NCKAP5: variants seen among roughly 807,000 people sequenced by gnomAD.
The protein encoded by NCKAP5 is NCK associated protein 5.
In NCKAP5, 92 loss-of-function variants were observed where a neutral mutation model predicts 167.0. The observed-to-expected ratio is 0.55, with a 90% CI of 0.47 to 0.66. The LOEUF (loss-of-function observed/expected upper bound fraction) is 0.66, where lower values mean the gene tolerates loss of function less well. Ranked by LOEUF, NCKAP5 falls within the 30% of genes least tolerant of loss-of-function variation. The pLI is 0.00. For missense variants in NCKAP5, 2,378 were observed against 2,315.0 expected (o/e 1.03, Z -0.56); for synonymous variants, 891 against 877.4 (o/e 1.02, Z -0.27).
intron 5 of NCKAP5, among the ~76,000 whole-genome samples, chr2:133,157,689 A>T (rs1374741271): frequency 1.3e-5 from 2 of 151,896 alleles, no homozygotes; most frequent in Admixed American, 1.3e-4. Flanking sequence ...GTGGCTTTGC[A>T]TTTGGCACTC....
chr2:133,375,031 T>C (rs1195250092), intron 3 of NCKAP5, among the ~76,000 whole-genome samples: 2 of 152,292 alleles, frequency 1.3e-5, no homozygotes, highest in Admixed American at 6.5e-5. Flanking sequence ...TGCGCTTTTC[T>C]TACAATGGGG....
chr2:133,530,505 T>A (rs1251935423), intron 2 of NCKAP5, among the ~76,000 whole-genome samples: 1 of 152,196 alleles, frequency 6.6e-6, no homozygotes, highest in Non-Finnish European at 1.5e-5. Context: ...TTACAGATTA[T>A]TTAGGAGAGA....
At chr2:133,121,051 A>G (rs2082235096) in intron 6 of NCKAP5, among the ~76,000 whole-genome samples, 1 of 152,116 alleles carries the variant, frequency 6.6e-6, no homozygotes, top group African/African-American at 2.4e-5. Context: ...ATAGGCAGCG[A>G]CCTTTAACTC....
Position 133,559,154 on chromosome 2 carries a change from A to G in NCKAP5, c.-129-37T>C, listed in dbSNP as rs1687977936. 3 of 152,190 alleles carry G rather than the reference A, an allele frequency of 2.0e-5. No homozygotes were observed. In the South Asian group the frequency reaches 6.2e-4, roughly 32 times the overall value. 9.4% of individuals were successfully genotyped at this position (152,190 alleles called of 1,614,324 possible). A position where few individuals can be genotyped will look rare whatever the true frequency, so the allele number is the denominator to read the frequency against. On this transcript the variant is annotated intron_variant, in intron 1 of 19. Transcript: ENST00000409261. Reference sequence around the variant, plus strand: ...TAATATAATCTAAATATGTGGCTCAAATAATTACTGTGTAATCTGGAACAT... The same window carrying G: ...TAATATAATCTAAATATGTGGCTCAGATAATTACTGTGTAATCTGGAACAT...
intron 12 of NCKAP5, among the ~76,000 whole-genome samples, chr2:132,795,757 T>C (rs911386026): frequency 2.1e-5 from 3 of 144,810 alleles, no homozygotes; most frequent in Admixed American, 7.4e-5. Flanking sequence ...AGGTGGAGGT[T>C]GCAGTGAGCT....
chr2:133,574,645 G>A, the NCKAP5 span, among the ~76,000 whole-genome samples: 1 of 134,176 alleles, frequency 7.5e-6, no homozygotes, highest in Non-Finnish European at 1.5e-5. Context: ...ACAAGCACAT[G>A]TGCACACACA....
At chr2:133,111,952 TAGATACTA>T (rs1405834959) in intron 6 of NCKAP5, among the ~76,000 whole-genome samples, 1 of 152,092 alleles carries the variant, frequency 6.6e-6, no homozygotes, top group Non-Finnish European at 1.5e-5. Context: ...CCACTGCCAA[TAGATACTA>T]AGATTCCAGG....
intron 6 of NCKAP5, among the ~76,000 whole-genome samples, chr2:133,059,147 A>G (rs2079903673): frequency 6.6e-6 from 1 of 151,946 alleles, no homozygotes; most frequent in African/African-American, 2.4e-5. Flanking sequence ...AAAATACAAA[A>G]AAATTAGCTG....
At chr2:133,261,723 C>T (rs193192079) in intron 4 of NCKAP5, among the ~76,000 whole-genome samples, 3 of 152,178 alleles carry the variant, frequency 2.0e-5, no homozygotes, top group African/African-American at 7.2e-5. Context: ...ATGAACTGAC[C>T]TGTTTGTATC....
intron 4 of NCKAP5, among the ~76,000 whole-genome samples, chr2:133,230,907 C>T (rs1255113427): frequency 6.6e-6 from 1 of 152,138 alleles, no homozygotes; most frequent in African/African-American, 2.4e-5. Flanking sequence ...CTTCAATTTG[C>T]TAATGTACAA....
intron 11 of NCKAP5, among the ~76,000 whole-genome samples, chr2:132,817,323 T>C (rs944088253): frequency 1.3e-5 from 2 of 152,196 alleles, no homozygotes; most frequent in African/African-American, 2.4e-5. Context: ...TGAATTTCCT[T>C]ATTAGATTCT....
intron 4 of NCKAP5, among the ~76,000 whole-genome samples, chr2:133,214,587 C>G (rs1272001788): frequency 3.9e-5 from 6 of 152,068 alleles, no homozygotes; most frequent in Non-Finnish European, 7.4e-5. Context: ...CCAATATTCA[C>G]CAAAATTTTT....
chr2:133,150,180 T>G (rs1380154304), intron 5 of NCKAP5, among the ~76,000 whole-genome samples: 1 of 152,134 alleles, frequency 6.6e-6, no homozygotes, highest in Non-Finnish European at 1.5e-5. Flanking sequence ...AATAAACAAT[T>G]CATAATTTTT....
In NCKAP5 at chr2:133,017,478, A is replaced by C. The variant is rs116684573; in HGVS notation, c.342-23239T>G. 3.5e-3 allele frequency among the ~76,000 whole-genome samples: 534 copies of C among 152,340 alleles called. 2 individuals carry two copies. Among genetic ancestry groups the C allele is most frequent in the African/African-American group, 0.012 (492 of 41,584 alleles). ...TTCAGGTGAATTATTCAAAACTTCA[A>C]AATGTGAAATATGCCATGATTATCA... On this transcript the variant is annotated intron_variant, in intron 6 of 19. Transcript: ENST00000409261.
intron 5 of NCKAP5, among the ~76,000 whole-genome samples, chr2:133,138,927 T>A (rs1462947862): frequency 6.6e-6 from 1 of 152,198 alleles, no homozygotes; most frequent in Non-Finnish European, 1.5e-5. Context: ...CCACAGTGAC[T>A]AACCCTCAGT....
intron 3 of NCKAP5, among the ~76,000 whole-genome samples, chr2:133,465,853 G>A (rs1480684329): frequency 2.0e-5 from 3 of 146,454 alleles, no homozygotes; most frequent in Non-Finnish European, 4.5e-5. Flanking sequence ...TTTTGATGGG[G>A]TTGTTTGTTT....
chr2:133,408,081 T>C (rs1406553245), intron 3 of NCKAP5, among the ~76,000 whole-genome samples: 1 of 152,192 alleles, frequency 6.6e-6, no homozygotes, highest in Non-Finnish European at 1.5e-5. Flanking sequence ...GTGGTTTCCC[T>C]GGAATAGTGC....
chr2:133,139,344 T>G (rs962818105), intron 5 of NCKAP5, among the ~76,000 whole-genome samples: 3 of 152,148 alleles, frequency 2.0e-5, no homozygotes, highest in Admixed American at 6.5e-5. Context: ...ACAAGTGGGG[T>G]GTGTGTGTAT....
chr2:133,405,302 T>C (rs1452764388), intron 3 of NCKAP5, among the ~76,000 whole-genome samples: 3 of 152,216 alleles, frequency 2.0e-5, no homozygotes, highest in Non-Finnish European at 2.9e-5. Context: ...CTATAACTTA[T>C]ACTTGAACAA....
Sources: allele counts gnomAD v4.1 joint callset (sites outside exome capture counted in the v4.1 genomes callset), GRCh38; gene constraint gnomAD v4.1.1; transcripts MANE v1.5; gene names NCBI Gene and HGNC (gene_info 2026-07-23, HGNC 2026-07-21).